SLC35D1: variants seen among roughly 807,000 people sequenced by gnomAD.
The protein encoded by SLC35D1 is nucleotide sugar transporter SLC35D1.
Under a neutral mutation model 46.7 loss-of-function variants are expected in SLC35D1, and 31 were observed. The ratio of observed to expected loss-of-function variants is 0.66; its 90% CI spans 0.50 to 0.90. The LOEUF is 0.90. Among genes scored for constraint, SLC35D1 ranks in the 40% least tolerant of loss-of-function variants. The pLI is 0.00. For missense variants in SLC35D1, 397 were observed against 426.2 expected (o/e 0.93, Z 0.60); for synonymous variants, 195 against 164.6 (o/e 1.18, Z -1.41).
At chr1:67,021,424 C>A in intron 9 of SLC35D1, 111 bp downstream of exon 9, 3 of 1,141,898 alleles carry the variant, frequency 2.6e-6, no homozygotes, top group Non-Finnish European at 2.6e-6. Flanking sequence ...GCTTAATTAT[C>A]CTAGGCTGAC....
chr1:66,974,754 G>A, the SLC35D1 span, among the ~76,000 whole-genome samples: 2 of 151,990 alleles, frequency 1.3e-5, no homozygotes, highest in Non-Finnish European at 2.9e-5. Flanking sequence ...CACAAAAAGA[G>A]GACAGTAATT....
At chr1:67,014,182 T>G (rs965578758) in intron 10 of SLC35D1, among the ~76,000 whole-genome samples, 1 of 152,202 alleles carries the variant, frequency 6.6e-6, no homozygotes, top group Non-Finnish European at 1.5e-5. Flanking sequence ...AGTCCCCTTA[T>G]AAAATCCTAT....
intron 7 of SLC35D1, among the ~76,000 whole-genome samples, chr1:67,043,525 C>T (rs1222333985): frequency 6.6e-6 from 1 of 152,084 alleles, no homozygotes. Context: ...AACTTCGGCA[C>T]CAGAGCAAGA....
chr1:66,985,095 AG>A, the SLC35D1 span: 1 of 1,273,720 alleles, frequency 7.9e-7, no homozygotes, highest in Non-Finnish European at 1.0e-6. Context: ...GACTCTTTTA[AG>A]GGTATTTTAA....
At chr1:66,980,015 C>T in the SLC35D1 span, among the ~76,000 whole-genome samples, 3 of 152,170 alleles carry the variant, frequency 2.0e-5, no homozygotes, top group South Asian at 4.1e-4. Context: ...CCACCTGCCT[C>T]GGCCTCCCAA....
At chr1:66,990,479 C>T in the SLC35D1 span, among the ~76,000 whole-genome samples, 13 of 152,024 alleles carry the variant, frequency 8.6e-5, no homozygotes, top group Admixed American at 6.6e-4. Flanking sequence ...GTTGCCAGGG[C>T]TAGTCTCAAA....
chr1:66,986,644 A>G, the SLC35D1 span: 1 of 558,842 alleles, frequency 1.8e-6, no homozygotes, highest in Non-Finnish European at 3.2e-6. Context: ...ACAGTGTTAA[A>G]AGCCACTTTG....
At position 67,009,140 on chromosome 1, in the gene SLC35D1, C is replaced by T. The variant is rs751766785; in HGVS notation, c.904G>A (p.Val302Ile). The T allele has an allele frequency of 6.8e-7, 1 of 1,472,446 alleles. No homozygotes were observed. The highest frequency in any genetic ancestry group is 2.3e-5 in the East Asian group (1 of 43,638). The allele number at this position is 1,472,446 out of a possible 1,614,324, so 91.2% of individuals were successfully genotyped here. A position where few individuals can be genotyped will look rare whatever the true frequency, so the allele number is the denominator to read the frequency against. Residue 302 changes from valine (V) to isoleucine (I), a missense_variant, in exon 11 of 12, where the codon GTC (valine) becomes ATC (isoleucine). Val to Ile is a conservative substitution (Grantham distance 29). Transcript: ENST00000235345. Reference sequence around the variant, plus strand: ...GTGAAAATATAATCTCCACCAAAGACCATTCCAATATAAGTTATTAATATA... The same window carrying T: ...GTGAAAATATAATCTCCACCAAAGATCATTCCAATATAAGTTATTAATATA... Reference protein sequence around the residue: ...KNILITYIGMVFGGDYIFTWT... With the variant: ...KNILITYIGMIFGGDYIFTWT...
chr1:67,042,450 C>G, intron 7 of SLC35D1, 122 bp from the exon 8 acceptor site: 1 of 841,420 alleles, frequency 1.2e-6, no homozygotes, highest in Non-Finnish European at 2.1e-6. Flanking sequence ...CTACAACATA[C>G]ACAGCAAATG....
intron 8 of SLC35D1, among the ~76,000 whole-genome samples, chr1:67,033,027 T>A (rs1668048807): frequency 6.6e-6 from 1 of 152,224 alleles, no homozygotes; most frequent in Admixed American, 6.5e-5. Flanking sequence ...CTTATTTCCT[T>A]AACATAATGA....
chr1:67,050,451 G>T lies in SLC35D1; in HGVS notation c.446C>A (p.Ala149Asp), dbSNP rs1474105236. 15 of 1,612,878 alleles carry T rather than the reference G, an allele frequency of 9.3e-6. No homozygotes were observed. The highest frequency in any genetic ancestry group is 1.3e-5 in the Non-Finnish European group (15 of 1,179,472). ...RRFSILFTMF[A>D]EGVLLKKTFS... ...AGCTCACTTGAGTAAAACTCCTTCA[G>T]CAAACATTGTAAACAGGATGGAGAA... is the stretch of plus-strand genomic sequence containing the variant. Residue 149 changes from alanine (A) to aspartate (D), a missense_variant, in exon 5 of 12, where the codon GCT becomes GAT. Coordinates refer to ENST00000235345, the MANE Select transcript of SLC35D1 (RefSeq NM_015139.3).
At chr1:66,990,658 A>G in the SLC35D1 span, among the ~76,000 whole-genome samples, 6 of 152,104 alleles carry the variant, frequency 3.9e-5, no homozygotes, top group African/African-American at 1.5e-4. Flanking sequence ...CTTTGAAAAC[A>G]ATGATACCAG....
chr1:67,020,124 C>T (rs911345994), intron 10 of SLC35D1, among the ~76,000 whole-genome samples: 1 of 152,174 alleles, frequency 6.6e-6, no homozygotes, highest in Non-Finnish European at 1.5e-5. Context: ...CTATTCCTTC[C>T]TCTATTCAGA....
intron 1 of SLC35D1, 145 bp downstream of exon 1, chr1:67,053,666 G>C (rs1253274123): frequency 5.4e-6 from 4 of 746,906 alleles, no homozygotes; most frequent in African/African-American, 1.9e-5. Context: ...CCCGGGCCGC[G>C]CGCGTCAGCC....
chr1:67,019,189 T>A (rs1667746947), intron 10 of SLC35D1, among the ~76,000 whole-genome samples: 2 of 152,220 alleles, frequency 1.3e-5, no homozygotes, highest in Non-Finnish European at 2.9e-5. Flanking sequence ...TCCGGCATCA[T>A]CCGTCTCCTT....
Position 67,052,095 on chromosome 1 carries a change from A to C in SLC35D1, c.325-16T>G. 1 of 1,535,718 alleles carries C rather than the reference A, an allele frequency of 6.5e-7. No individual in the cohort carries two copies. The highest frequency in any genetic ancestry group is 9.0e-7 in the Non-Finnish European group (1 of 1,108,714). Reference sequence around the variant, plus strand: ...GTGGAAACGTCTAGAAAATTTAAAAAGGGATAACAAAACTCAATAATAAAG... The same window carrying C: ...GTGGAAACGTCTAGAAAATTTAAAACGGGATAACAAAACTCAATAATAAAG... On this transcript the variant is annotated splice_polypyrimidine_tract_variant and intron_variant, in intron 3 of 11. Transcript: ENST00000235345.
At chr1:67,021,728 C>G (rs1667809177) in intron 8 of SLC35D1, 126 bp from the exon 9 acceptor site, 2 of 590,624 alleles carry the variant, frequency 3.4e-6, no homozygotes, top group Non-Finnish European at 6.3e-6. Context: ...GACACAGACA[C>G]ACACACACAC....
intron 10 of SLC35D1, among the ~76,000 whole-genome samples, chr1:67,014,670 GTTTTT>G (rs34459732): frequency 1.9e-4 from 19 of 99,976 alleles, no homozygotes; most frequent in Admixed American, 8.0e-4. Flanking sequence ...TCAATTTTTA[GTTTTT>G]TTTTTTTTTT....
intron 8 of SLC35D1, among the ~76,000 whole-genome samples, chr1:67,023,521 T>C (rs1318986032): frequency 6.6e-6 from 1 of 151,356 alleles, no homozygotes; most frequent in East Asian, 1.9e-4. Context: ...AGTCTCACCC[T>C]GTCGCGCAGG....
Sources: allele counts gnomAD v4.1 joint callset (sites outside exome capture counted in the v4.1 genomes callset), GRCh38; gene constraint gnomAD v4.1.1; transcripts MANE v1.5; gene names NCBI Gene and HGNC (gene_info 2026-07-23, HGNC 2026-07-21).